Variants in MYO1E observed in about 807,000 individuals in gnomAD.
The protein encoded by MYO1E is myosin IE.
MYO1E carries 68 observed loss-of-function variants against 151.1 expected under a neutral mutation model. The ratio of observed to expected loss-of-function variants is 0.45; its 90% CI spans 0.37 to 0.55. The LOEUF (loss-of-function observed/expected upper bound fraction) is 0.55. Among genes scored for constraint, MYO1E ranks in the 20% least tolerant of loss-of-function variants. The probability of loss-of-function intolerance (pLI) is 0.00; values close to 1 mark genes in which losing one functional copy is unlikely to be tolerated. For synonymous variants in MYO1E, 601 were observed against 501.7 expected (o/e 1.20, Z -2.64); for missense variants, 1,363 against 1,389.3 (o/e 0.98, Z 0.30).
At chr15:59,149,052 G>GTTTTTTTTTTTTTT (rs570700878) in intron 26 of MYO1E, among the ~76,000 whole-genome samples, 146 of 128,202 alleles carry the variant, frequency 1.1e-3, no homozygotes, top group East Asian at 4.1e-3. Context: ...TTTTTTTTTT[G>GTTTTTTTTTTTTTT]TTTTTTTTTT....
intron 1 of MYO1E, among the ~76,000 whole-genome samples, chr15:59,324,803 G>C (rs1210250843): frequency 6.6e-6 from 1 of 152,060 alleles, no homozygotes; most frequent in Non-Finnish European, 1.5e-5. Context: ...GACATTAAAA[G>C]ACTCCTAAAG....
At chr15:59,213,951 C>T (rs2079897708) in intron 12 of MYO1E, among the ~76,000 whole-genome samples, 2 of 152,212 alleles carry the variant, frequency 1.3e-5, no homozygotes, top group African/African-American at 4.8e-5. Context: ...CTCCCATTTC[C>T]CACGTGCTCA....
At chr15:59,291,944 A>T (rs1447483841) in intron 1 of MYO1E, among the ~76,000 whole-genome samples, 2 of 152,168 alleles carry the variant, frequency 1.3e-5, no homozygotes, top group Non-Finnish European at 2.9e-5. Context: ...AAAAATTTTA[A>T]AAAGTTTCCT....
rs1206285098 is a variant in MYO1E at position 59,134,413 on chromosome 15, G to A, written c.*2967C>T. 2 of 152,270 alleles carry A rather than the reference G, an allele frequency of 1.3e-5. No individual in the cohort carries two copies. The highest frequency in any genetic ancestry group is 6.5e-5 in the Admixed American group (1 of 15,288). 9.4% of individuals were successfully genotyped at this position (152,270 alleles called of 1,614,324 possible). On this transcript the variant is annotated 3_prime_UTR_variant, in exon 28 of 28. Coordinates refer to ENST00000288235, the MANE Select transcript of MYO1E (RefSeq NM_004998.4). ...TGCATGTCTTTAAGCCAGTTGGCCAGGTACGGTGGCTCTTGCCCATAATCC... is the reference window on the plus strand; with the variant it reads ...TGCATGTCTTTAAGCCAGTTGGCCAAGTACGGTGGCTCTTGCCCATAATCC...
At chr15:59,198,407 C>T (rs2079780809) in intron 16 of MYO1E, among the ~76,000 whole-genome samples, 1 of 152,160 alleles carries the variant, frequency 6.6e-6, no homozygotes, top group African/African-American at 2.4e-5. Context: ...CTTTTATTTG[C>T]AAGTTACATG....
Position 59,272,412 on chromosome 15 carries a change from T to C in MYO1E, c.41A>G (p.His14Arg). Residue 14 changes from histidine (H) to arginine (R), a missense_variant, in exon 2 of 28, where the codon CAC (histidine) becomes CGC (arginine). Physicochemically the swap from His to Arg is conservative, Grantham distance 29. Transcript: ENST00000288235. ...KGVYQYHWQS[H>R]NVKHSGVDDM... ...GTCCACACCACTGTGCTTGACATTG[T>C]GGCTTTGCCAGTGGTACTGGTAGAC... 2 of 1,614,210 alleles carry C rather than the reference T, an allele frequency of 1.2e-6. No individual in the cohort carries two copies. Among genetic ancestry groups the C allele is most frequent in the South Asian group, 1.1e-5 (1 of 91,088 alleles).
chr15:59,172,081 G>C (rs761770779), intron 21 of MYO1E, 39 bp from the exon 22 acceptor site: 269 of 1,608,266 alleles, frequency 1.7e-4, no homozygotes, highest in Non-Finnish European at 1.7e-4. Context: ...GACAGGCCAG[G>C]CATGGTGGCT....
intron 1 of MYO1E, among the ~76,000 whole-genome samples, chr15:59,335,615 T>C (rs2140425593): frequency 6.6e-6 from 1 of 152,316 alleles, no homozygotes; most frequent in Non-Finnish European, 1.5e-5. Context: ...TCAGATCTCT[T>C]TGAAGTCCCC....
At chr15:59,171,542 G>A (rs1212390022) in intron 22 of MYO1E, among the ~76,000 whole-genome samples, 1 of 152,192 alleles carries the variant, frequency 6.6e-6, no homozygotes, top group Non-Finnish European at 1.5e-5. Context: ...GGGTGAGGTG[G>A]ACTGGGGGAC....
intron 1 of MYO1E, among the ~76,000 whole-genome samples, chr15:59,372,068 G>A (rs2080948981): frequency 6.7e-6 from 1 of 149,636 alleles, no homozygotes; most frequent in Non-Finnish European, 1.5e-5. Flanking sequence ...CCGGGGCGGG[G>A]CGGGCACGGC....
At position 59,171,936 on chromosome 15, in the gene MYO1E, C is replaced by T. The variant is rs779822923; in HGVS notation, c.2441G>A (p.Arg814Gln). 1.3e-5 allele frequency: 21 copies of T among 1,614,058 alleles called. No homozygotes were observed. The highest frequency in any genetic ancestry group is 1.7e-5 in the Admixed American group (1 of 60,008). The change falls in exon 22 of 28, where the codon CGG (arginine) becomes CAG (glutamine). Residue 814 changes from arginine to glutamine, a missense_variant. Physicochemically the swap from Arg to Gln is conservative, Grantham distance 43. Coordinates refer to ENST00000288235, the MANE Select transcript of MYO1E (RefSeq NM_004998.4). ...DKGLVKEVLKRKIEIERILSV... is the reference protein window; with the variant it reads ...DKGLVKEVLKQKIEIERILSV... ...CAAGATCCGTTCTATCTCGATTTTC[C>T]GCTTCAGGACTTCTTTCACCAGGCC...
intron 1 of MYO1E, among the ~76,000 whole-genome samples, chr15:59,370,890 C>G (rs777243901): frequency 1.3e-5 from 2 of 152,116 alleles, no homozygotes; most frequent in African/African-American, 2.4e-5. Context: ...CAGCAATTCT[C>G]AAGTACCAGG....
At chr15:59,233,266 A>C (rs761963853) in intron 5 of MYO1E, among the ~76,000 whole-genome samples, 2 of 152,132 alleles carry the variant, frequency 1.3e-5, no homozygotes, top group Non-Finnish European at 2.9e-5. Context: ...TCATCCATCC[A>C]TCCGTCCGTC....
intron 1 of MYO1E, among the ~76,000 whole-genome samples, chr15:59,277,564 A>AAAAAAAAAAAAACC (rs1555416379): frequency 7.2e-6 from 1 of 139,794 alleles, no homozygotes; most frequent in African/African-American, 2.8e-5. Context: ...AAAAAAAAAA[A>AAAAAAAAAAAAACC]AAAAAAAAAC....
chr15:59,372,657 G>T lies in MYO1E; in HGVS notation c.-157C>A. ...CACAGGAGCCAATGGGAACCCAGAG[G>T]GGACTCCATCCAGGCGGGATTGGCG... is the stretch of plus-strand genomic sequence containing the variant. On this transcript the variant is annotated 5_prime_UTR_variant, in exon 1 of 28. Transcript: ENST00000288235. The T allele has an allele frequency of 1.1e-6, 1 of 917,624 alleles. No individual in the cohort carries two copies. Among genetic ancestry groups the T allele is most frequent in the South Asian group, 1.7e-5 (1 of 58,902 alleles). The allele number at this position is 917,624 out of a possible 1,614,324, so 56.8% of individuals were successfully genotyped here.
At chr15:59,187,479 G>A (rs1213119203) in intron 18 of MYO1E, among the ~76,000 whole-genome samples, 1 of 152,198 alleles carries the variant, frequency 6.6e-6, no homozygotes, top group Admixed American at 6.5e-5. Flanking sequence ...ACTGCTGGTG[G>A]TACAAAATGT....
At position 59,208,770 on chromosome 15, in the gene MYO1E, G is replaced by A. The variant is rs2079857549; in HGVS notation, c.1441C>T (p.Leu481=). ...HAVGEGADQT[L]LQKLQMQIGS... Reference sequence around the variant, plus strand: ...ATCTGCATCTGAAGTTTCTGGAGCAGCGTCTGATCTGCCCCCTCACCCACC... The same window carrying A: ...ATCTGCATCTGAAGTTTCTGGAGCAACGTCTGATCTGCCCCCTCACCCACC... Residue 481 remains leucine (L), a synonymous_variant, in exon 14 of 28, where the codon CTG becomes TTG. Coordinates refer to ENST00000288235, the MANE Select transcript of MYO1E (RefSeq NM_004998.4). The A allele has an allele frequency of 1.2e-6, 2 of 1,614,082 alleles. No homozygotes were observed. Among genetic ancestry groups the A allele is most frequent in the Admixed American group, 3.3e-5 (2 of 59,994 alleles).
At chr15:59,195,360 G>T in intron 17 of MYO1E, 101 bp downstream of exon 17, 1 of 1,021,058 alleles carries the variant, frequency 9.8e-7, no homozygotes, top group Non-Finnish European at 1.6e-6. Flanking sequence ...ACAAAGACAT[G>T]TGCGGACAAC....
rs1371540583 is a variant in MYO1E at position 59,205,340 on chromosome 15, T to G, written c.1616+60A>C. The stretch of plus-strand genomic sequence containing the variant: ...ACCACACCCAGCTCATAAGTTTGTT[T>G]TCATATTGAAAATTTCATCAAACCT... On this transcript the variant is annotated intron_variant, in intron 15 of 27. Coordinates refer to ENST00000288235, the MANE Select transcript of MYO1E (RefSeq NM_004998.4). 4 of 1,529,038 alleles carry G rather than the reference T, an allele frequency of 2.6e-6. No individual in the cohort carries two copies. The South Asian group carries it at 4.5e-5, about 17-fold the overall frequency. 94.7% of individuals were successfully genotyped at this position (1,529,038 alleles called of 1,614,324 possible).
Sources: gnomAD v4.1 joint callset for allele counts (sites outside exome capture counted in the v4.1 genomes callset) on GRCh38, gnomAD v4.1.1 for gene constraint, MANE v1.5 for transcripts, NCBI Gene and HGNC (gene_info 2026-07-23, HGNC 2026-07-21) for gene names.